UNC5D: variants seen among roughly 807,000 people sequenced by gnomAD.
The protein encoded by UNC5D is unc-5 netrin receptor D.
In UNC5D, 39 loss-of-function variants were observed where a neutral mutation model predicts 105.4. The ratio of observed to expected loss-of-function variants is 0.37; its 90% CI spans 0.29 to 0.48. UNC5D has a LOEUF of 0.48. Ranked by LOEUF, UNC5D falls within the 20% of genes least tolerant of loss-of-function variation. UNC5D has a pLI of 0.98. For synonymous variants in UNC5D, 452 were observed against 450.4 expected (o/e 1.00, Z -0.04); for missense variants, 991 against 1,202.4 (o/e 0.82, Z 2.60).
At chr8:35,362,662 A>G (rs1223893832) in intron 1 of UNC5D, among the ~76,000 whole-genome samples, 1 of 152,216 alleles carries the variant, frequency 6.6e-6, no homozygotes, top group Non-Finnish European at 1.5e-5. Flanking sequence ...TCATTCCCCA[A>G]ACTGACATTT....
chr8:35,398,505 A>G (rs1401065460), intron 1 of UNC5D, among the ~76,000 whole-genome samples: 4 of 152,090 alleles, frequency 2.6e-5, no homozygotes, highest in Non-Finnish European at 4.4e-5. Context: ...GTAATTAGAT[A>G]CTAACAGTGC....
intron 1 of UNC5D, among the ~76,000 whole-genome samples, chr8:35,420,741 G>GC (rs2128965915): frequency 9.7e-6 from 1 of 103,314 alleles, no homozygotes; most frequent in South Asian, 3.3e-4. Flanking sequence ...AATACCATGG[G>GC]CTTTTTTTTT....
At chr8:35,607,735 ACTTCTCCTTCCTG>A (rs1210329014) in intron 4 of UNC5D, among the ~76,000 whole-genome samples, 82 of 152,048 alleles carry the variant, frequency 5.4e-4, no homozygotes, top group African/African-American at 2.0e-3. Context: ...TTTGATGGGC[ACTTCTCCTTCCTG>A]CTGTCTTGTG....
In UNC5D at chr8:35,540,444, G is replaced by GGTGTGTGTGT. The variant is rs11467586; in HGVS notation, c.104-8819_104-8810dup. Among the ~76,000 whole-genome samples the GGTGTGTGTGT allele has an allele frequency of 4.2e-3, 605 of 142,776 alleles. 8 individuals are homozygous for GGTGTGTGTGT. Among genetic ancestry groups the GGTGTGTGTGT allele is most frequent in the African/African-American group, 0.014 (569 of 39,396 alleles). 93.7% of individuals were successfully genotyped at this position (142,776 alleles called of 152,430 possible). On this transcript the variant is annotated intron_variant, in intron 1 of 16. Coordinates refer to ENST00000404895, the MANE Select transcript of UNC5D (RefSeq NM_080872.4). ...TTTATATTCTTTCACAAAGCAGAGGGGTGTGTGTGTGTGTGTGTGTGTGTG... is the reference window on the plus strand; with the variant it reads ...TTTATATTCTTTCACAAAGCAGAGGGGTGTGTGTGTGTGTGTGTGTGTGTGTGTGTGTGTG...
chr8:35,668,734 A>ATTAT (rs887576039), intron 4 of UNC5D, among the ~76,000 whole-genome samples: 197 of 152,262 alleles, frequency 1.3e-3, no homozygotes, highest in Non-Finnish European at 1.3e-3. Context: ...TATTGTTATA[A>ATTAT]TTATTTGCAT....
At chr8:35,358,796 T>C (rs1245084911) in intron 1 of UNC5D, among the ~76,000 whole-genome samples, 1 of 152,222 alleles carries the variant, frequency 6.6e-6, no homozygotes, top group Non-Finnish European at 1.5e-5. Flanking sequence ...ATTATGTCCA[T>C]TGACTGAAAT....
intron 3 of UNC5D, among the ~76,000 whole-genome samples, chr8:35,576,569 C>T (rs531080591): frequency 6.6e-6 from 1 of 152,122 alleles, no homozygotes; most frequent in Non-Finnish European, 1.5e-5. Flanking sequence ...ATCCTGCATT[C>T]AATAAGTAGG....
chr8:35,342,807 A>T (rs1563329053), intron 1 of UNC5D, among the ~76,000 whole-genome samples: 2 of 152,116 alleles, frequency 1.3e-5, no homozygotes, highest in Non-Finnish European at 2.9e-5. Context: ...CAATTTGGCG[A>T]ACATTCCCAT....
intron 1 of UNC5D, among the ~76,000 whole-genome samples, chr8:35,439,398 T>C (rs1184185434): frequency 2.0e-5 from 3 of 152,046 alleles, no homozygotes; most frequent in African/African-American, 4.8e-5. Context: ...TGTTGGCCAG[T>C]TGGGGGCAAC....
intron 1 of UNC5D, among the ~76,000 whole-genome samples, chr8:35,253,063 TC>T (rs1466028176): frequency 6.6e-6 from 1 of 152,122 alleles, no homozygotes; most frequent in Non-Finnish European, 1.5e-5. Context: ...TTGTTTGTCA[TC>T]ATTGAATTAT....
intron 16 of UNC5D, among the ~76,000 whole-genome samples, chr8:35,777,016 G>T (rs1294935716): frequency 6.6e-6 from 1 of 152,184 alleles, no homozygotes; most frequent in Non-Finnish European, 1.5e-5. Flanking sequence ...AGCACTTTGG[G>T]AGGCCAAGGT....
chr8:35,607,395 A>G (rs1820364198), intron 4 of UNC5D, among the ~76,000 whole-genome samples: 1 of 152,158 alleles, frequency 6.6e-6, no homozygotes, highest in African/African-American at 2.4e-5. Context: ...CTGAAATCCA[A>G]CAGCATTAAT....
intron 1 of UNC5D, among the ~76,000 whole-genome samples, chr8:35,510,247 G>A (rs1357848719): frequency 1.0e-4 from 15 of 147,344 alleles, no homozygotes; most frequent in African/African-American, 3.8e-4. Context: ...GGTCTTTCCA[G>A]TGACCAGCCC....
chr8:35,686,406 T>C, intron 6 of UNC5D, 139 bp from the exon 7 acceptor site: 2 of 908,008 alleles, frequency 2.2e-6, no homozygotes, highest in African/African-American at 1.8e-5. Context: ...GGAGAGAAGA[T>C]AAGTGGATAT....
intron 4 of UNC5D, among the ~76,000 whole-genome samples, chr8:35,598,042 T>A (rs1260395782): frequency 6.6e-6 from 1 of 152,040 alleles, no homozygotes; most frequent in African/African-American, 2.4e-5. Flanking sequence ...CTGGCCTCTC[T>A]GCTGGAGGGC....
chr8:35,434,445 T>TA (rs1806870361), intron 1 of UNC5D, among the ~76,000 whole-genome samples: 1 of 152,110 alleles, frequency 6.6e-6, no homozygotes, highest in South Asian at 2.1e-4. Flanking sequence ...ATAACTATGT[T>TA]AACAGAAATA....
intron 8 of UNC5D, chr8:35,721,545 T>A: frequency 1.4e-6 from 1 of 702,488 alleles, no homozygotes; most frequent in South Asian, 1.5e-5. Flanking sequence ...TAGCATTTAA[T>A]TGGTGTCAGA....
At chr8:35,513,972 C>A (rs969006522) in intron 1 of UNC5D, among the ~76,000 whole-genome samples, 9 of 152,178 alleles carry the variant, frequency 5.9e-5, no homozygotes, top group Admixed American at 1.3e-4. Context: ...AGAATTCCAG[C>A]TAACTAAATT....
intron 12 of UNC5D, 34 bp downstream of exon 12, chr8:35,748,729 G>A (rs1830121592): frequency 6.2e-7 from 1 of 1,602,142 alleles, no homozygotes. Flanking sequence ...TAAACAGTGG[G>A]ATTTGGGTTC....
Sources: gnomAD v4.1 joint callset for allele counts (sites outside exome capture counted in the v4.1 genomes callset) on GRCh38, gnomAD v4.1.1 for gene constraint, MANE v1.5 for transcripts, NCBI Gene and HGNC (gene_info 2026-07-23, HGNC 2026-07-21) for gene names.